The following PANX2 variants were observed in gnomAD, a reference collection of about 807,000 sequenced individuals.
PANX2 encodes the protein pannexin 2.
A neutral mutation model predicts 38.7 loss-of-function variants in PANX2; 30 were observed. The observed-to-expected ratio is 0.78, with a 90% CI of 0.58 to 1.05. PANX2 has a LOEUF of 1.05. Ranked by LOEUF, PANX2 falls within the 50% of genes least tolerant of loss-of-function variation. PANX2 has a pLI of 0.00. For missense variants in PANX2, 880 were observed against 979.3 expected, an observed-to-expected ratio of 0.90 and a Z score of 1.35; for synonymous variants, 539 against 472.1, an observed-to-expected ratio of 1.14 and a Z score of -1.84.
intron 1 of PANX2, 41 bp downstream of exon 1, chr22:50,170,997 G>T: frequency 8.7e-7 from 1 of 1,143,950 alleles, no homozygotes; most frequent in Non-Finnish European, 1.2e-6. Context: ...GGCAGAGGGG[G>T]CGTCCGCAGG....
chr22:50,175,347 G>T (rs1345741518), intron 1 of PANX2: 1 of 567,208 alleles, frequency 1.8e-6, no homozygotes, highest in Non-Finnish European at 2.8e-6. Flanking sequence ...CACCCATGTT[G>T]GCCACACATG....
At chr22:50,175,465 T>C (rs1660626576) in intron 1 of PANX2, 5 of 1,298,518 alleles carry the variant, frequency 3.9e-6, no homozygotes, top group Non-Finnish European at 3.0e-6. Flanking sequence ...TGGGATTGGC[T>C]GTGAGGACAA....
intron 1 of PANX2, among the ~76,000 whole-genome samples, chr22:50,176,105 T>G (rs2063659845): frequency 1.3e-5 from 2 of 152,226 alleles, no homozygotes; most frequent in African/African-American, 4.8e-5. Flanking sequence ...CCCCAGGCTC[T>G]GAGCCTTCCT....
At chr22:50,170,992 AG>A in intron 1 of PANX2, 36 bp downstream of exon 1, 2 of 1,235,878 alleles carry the variant, frequency 1.6e-6, no homozygotes, top group Non-Finnish European at 1.1e-6. Context: ...GCGCGGGCAG[AG>A]GGGGCGTCCG....
intron 2 of PANX2, 52 bp from the exon 3 acceptor site, chr22:50,178,882 G>T: frequency 6.9e-7 from 1 of 1,453,786 alleles, no homozygotes. Context: ...GGGCGCTGGG[G>T]GCGGCGCAGC....
Position 50,177,454 on chromosome 22 carries a change from T to C in PANX2, c.742T>C (p.Tyr248His). Reference protein sequence around the residue: ...SAVPISYLCTYYATQKQNEFT... With the variant: ...SAVPISYLCTHYATQKQNEFT... The stretch of plus-strand genomic sequence containing the variant: ...CGTGCCCATCTCCTACCTGTGCACC[T>C]ACTACGCCACGCAGAAGCAGAACGA... Residue 248 changes from tyrosine (Y) to histidine (H), a missense_variant, in exon 2 of 3, where the codon TAC (tyrosine) becomes CAC (histidine). Around this residue, in one of 4 missense-constraint regions of PANX2, gnomAD observed 114 missense variants for 108.8 expected, o/e 1.05. Transcript: ENST00000395842. 1 of 1,608,704 alleles carries C rather than the reference T, an allele frequency of 6.2e-7. No individual in the cohort carries two copies. The highest frequency in any genetic ancestry group is 1.1e-5 in the South Asian group (1 of 90,596).
At chr22:50,175,441 T>C (rs1410404888) in intron 1 of PANX2, 3 of 1,300,212 alleles carry the variant, frequency 2.3e-6, no homozygotes, top group African/African-American at 1.5e-5. Context: ...GGGTGGACGC[T>C]CTTCTCTGGC....
At chr22:50,171,084 G>T in intron 1 of PANX2, 128 bp downstream of exon 1, 1 of 396,660 alleles carries the variant, frequency 2.5e-6, no homozygotes, top group Non-Finnish European at 4.5e-6. Context: ...TGCGTCCGCG[G>T]CGTCCCAGGC....
At chr22:50,173,379 A>G (rs559291418) in intron 1 of PANX2, among the ~76,000 whole-genome samples, 8 of 152,208 alleles carry the variant, frequency 5.3e-5, no homozygotes, top group Non-Finnish European at 1.2e-4. Flanking sequence ...TCTGCCCCCG[A>G]GCACCCTCCC....
chr22:50,178,712 T>C (rs2063680063), intron 2 of PANX2, among the ~76,000 whole-genome samples: 1 of 152,082 alleles, frequency 6.6e-6, no homozygotes, highest in Admixed American at 6.5e-5. Context: ...TGCAGCCAAG[T>C]TCCTCGGGTG....
At chr22:50,171,439 C>T (rs956671668) in intron 1 of PANX2, among the ~76,000 whole-genome samples, 1 of 152,148 alleles carries the variant, frequency 6.6e-6, no homozygotes, top group African/African-American at 2.4e-5. Context: ...GAGGCCCAGG[C>T]CCTCCACCCC....
rs772116855 is a variant in PANX2, at chr22:50,178,163, A to G, written c.1451A>G (p.Tyr484Cys). The change falls in exon 2 of 3, where the codon TAC becomes TGC. Residue 484 changes from tyrosine to cysteine, a missense_variant. By Grantham distance (194) the Tyr-to-Cys change is radical. This residue lies in a region of PANX2 where 445 missense variants were observed against 404.3 expected (regional missense o/e 1.10). Transcript: ENST00000395842. The stretch of plus-strand genomic sequence containing the variant: ...CTGCTGGACCGCTCCGCCCACCACT[A>G]CAAGGGCGGAGGGGGCGACCCGGGC... ...APLLDRSAHH[Y>C]KGGGGDPGPG... The G allele has an allele frequency of 1.1e-5, 17 of 1,508,406 alleles. No individual in the cohort carries two copies. The South Asian group carries it at 1.3e-4, about 11-fold the overall frequency. The allele number at this position is 1,508,406 out of a possible 1,614,324, so 93.4% of individuals were successfully genotyped here.
chr22:50,179,626 C>T lies in PANX2; in HGVS notation c.*349C>T, dbSNP rs931056973. The T allele has an allele frequency of 3.2e-5, 8 of 247,024 alleles. No homozygotes were observed. Among genetic ancestry groups the T allele is most frequent in the African/African-American group, 1.4e-4 (6 of 43,180 alleles). The allele number at this position is 247,024 out of a possible 1,614,324, so 15.3% of individuals were successfully genotyped here. ...TTTTTAGTCCGTTTCGTCCTGGCCCCGGGCTGTGGCGAGACAGCCCAACTC... is the reference window on the plus strand; with the variant it reads ...TTTTTAGTCCGTTTCGTCCTGGCCCTGGGCTGTGGCGAGACAGCCCAACTC... On this transcript the variant is annotated 3_prime_UTR_variant, in exon 3 of 3. Transcript: ENST00000395842.
In PANX2 at chr22:50,178,222, G is replaced by A. The variant is rs746980968; in HGVS notation, c.1510G>A (p.Ala504Thr). Residue 504 changes from alanine (A) to threonine (T), a missense_variant, in exon 2 of 3, where the codon GCC becomes ACC. By Grantham distance (58) the Ala-to-Thr change is moderately conservative. This residue lies in a region of PANX2 where 445 missense variants were observed against 404.3 expected (regional missense o/e 1.10). Transcript: ENST00000395842. ...GPAPAPAPPP[A>T]PDKKHARHFS... The stretch of plus-strand genomic sequence containing the variant: ...CGCCCCTGCCCCCGCCCCGCCGCCC[G>A]CCCCTGACAAGAAGCACGCGCGCCA... 2 of 977,500 alleles carry A rather than the reference G, an allele frequency of 2.0e-6. No homozygotes were observed. Among genetic ancestry groups the A allele is most frequent in the Admixed American group, 7.8e-5 (2 of 25,666 alleles). 60.6% of individuals were successfully genotyped at this position (977,500 alleles called of 1,614,324 possible).
chr22:50,175,363 C>A, intron 1 of PANX2: 2 of 802,834 alleles, frequency 2.5e-6, no homozygotes, highest in Non-Finnish European at 3.6e-6. Flanking sequence ...ACATGCCCAG[C>A]AAGGGTGGCT....
Position 50,178,157 on chromosome 22 carries a change from A to G in PANX2, c.1445A>G (p.His482Arg). Reference sequence around the variant, plus strand: ...GCGCCGCTGCTGGACCGCTCCGCCCACCACTACAAGGGCGGAGGGGGCGAC... The same window carrying G: ...GCGCCGCTGCTGGACCGCTCCGCCCGCCACTACAAGGGCGGAGGGGGCGAC... ...LIAPLLDRSA[H>R]HYKGGGGDPG... The change falls in exon 2 of 3, where the codon CAC (histidine) becomes CGC (arginine). Residue 482 changes from histidine to arginine, a missense_variant. Transcript: ENST00000395842. 1 of 1,517,006 alleles carries G rather than the reference A, an allele frequency of 6.6e-7. No homozygotes were observed. The highest frequency in any genetic ancestry group is 8.8e-7 in the Non-Finnish European group (1 of 1,140,398). 94.0% of individuals were successfully genotyped at this position (1,517,006 alleles called of 1,614,324 possible). A position where few individuals can be genotyped will look rare whatever the true frequency, so the allele number is the denominator to read the frequency against.
chr22:50,175,250 G>T (rs182719106), intron 1 of PANX2, among the ~76,000 whole-genome samples: 8 of 152,108 alleles, frequency 5.3e-5, no homozygotes, highest in Non-Finnish European at 1.2e-4. Flanking sequence ...AGGCCAGGCC[G>T]CCCCCTGCCC....
Position 50,179,259 on chromosome 22 carries a change from G to A in PANX2, c.2016G>A (p.Val672=), listed in dbSNP as rs757751800. The stretch of plus-strand genomic sequence containing the variant: ...CCTTCGACGAGCCGAGAACGGTCGT[G>A]AGTACTGTGGAGTTTTGAGGGATGG... ...IATFDEPRTV[V]STVEF Residue 672 remains valine (V), a synonymous_variant, in exon 3 of 3, where the codon GTG becomes GTA. Coordinates refer to ENST00000395842, the MANE Select transcript of PANX2 (RefSeq NM_052839.4). 6.2e-7 allele frequency: 1 copy of A among 1,612,544 alleles called. No individual in the cohort carries two copies. Among genetic ancestry groups the A allele is most frequent in the South Asian group, 1.1e-5 (1 of 91,058 alleles).
Position 50,177,996 on chromosome 22 carries a change from G to T in PANX2, c.1284G>T (p.Lys428Asn). The T allele has an allele frequency of 6.5e-7, 1 of 1,541,116 alleles. No homozygotes were observed. ...CGCCCGTGGTCAAGCGGCCGCGCAA[G>T]AAGATGAAGTGGATCCCCACCAGCA... is the stretch of plus-strand genomic sequence containing the variant. ...AEPPVVKRPR[K>N]KMKWIPTSNP... Residue 428 changes from lysine (K) to asparagine (N), a missense_variant, in exon 2 of 3, where the codon AAG becomes AAT. Around this residue, in one of 4 missense-constraint regions of PANX2, gnomAD observed 445 missense variants for 404.3 expected, o/e 1.10. Coordinates refer to ENST00000395842, the MANE Select transcript of PANX2 (RefSeq NM_052839.4).
Sources: gnomAD v4.1 joint callset for allele counts (sites outside exome capture counted in the v4.1 genomes callset) on GRCh38, gnomAD v4.1.1 for gene constraint, gnomAD v4.1.1 regional missense constraint, MANE v1.5 for transcripts, NCBI Gene and HGNC (gene_info 2026-07-23, HGNC 2026-07-21) for gene names.